Variants in SGCZ observed in about 807,000 individuals in gnomAD.
SGCZ encodes sarcoglycan zeta.
A neutral mutation model predicts 41.3 loss-of-function variants in SGCZ; 40 were observed. The observed-to-expected ratio is 0.97, with a 90% CI of 0.75 to 1.26. The LOEUF (loss-of-function observed/expected upper bound fraction) is 1.26. Ranked by LOEUF, SGCZ falls within the 50% of genes most tolerant of loss-of-function variation. The pLI is 0.00. For missense variants in SGCZ, 552 were observed against 369.8 expected (o/e 1.49, Z -4.04); for synonymous variants, 206 against 137.5 (o/e 1.50, Z -3.49).
intron 4 of SGCZ, among the ~76,000 whole-genome samples, chr8:14,175,027 A>T (rs1020930): frequency 1 from 152,210 of 152,272 alleles, 76,074 homozygotes; most frequent in Non-Finnish European, 1. Context: ...CCAAATAAGA[A>T]CCTATACCAA....
At chr8:14,676,023 T>TGAGAAAACTACTGAGACCAGGG (rs1180796044) in intron 1 of SGCZ, among the ~76,000 whole-genome samples, 4 of 152,146 alleles carry the variant, frequency 2.6e-5, no homozygotes, top group Non-Finnish European at 5.9e-5. Context: ...TGCACGTATT[T>TGAGAAAACTACTGAGACCAGGG]GAGAAAACTA....
At chr8:14,404,850 AG>A (rs1305556133) in intron 2 of SGCZ, among the ~76,000 whole-genome samples, 7 of 152,172 alleles carry the variant, frequency 4.6e-5, no homozygotes, top group Non-Finnish European at 1.0e-4. Context: ...TCTGGCCAAT[AG>A]GAGGCACTCA....
chr8:15,134,568 A>G (rs1808040636), intron 1 of SGCZ, among the ~76,000 whole-genome samples: 1 of 152,154 alleles, frequency 6.6e-6, no homozygotes, highest in Non-Finnish European at 1.5e-5. Flanking sequence ...AAGCGCAGAA[A>G]TAACTGATCA....
intron 1 of SGCZ, among the ~76,000 whole-genome samples, chr8:14,956,716 A>G (rs1211728985): frequency 1.3e-5 from 2 of 152,168 alleles, no homozygotes; most frequent in African/African-American, 4.8e-5. Context: ...AACTAAATTC[A>G]CATTTCCTTG....
At chr8:14,445,415 C>T (rs898906696) in intron 2 of SGCZ, among the ~76,000 whole-genome samples, 2 of 152,154 alleles carry the variant, frequency 1.3e-5, no homozygotes, top group African/African-American at 4.8e-5. Context: ...AGGGAAGAGA[C>T]AGCTTGACTT....
chr8:14,927,104 T>G (rs1262989574), intron 1 of SGCZ, among the ~76,000 whole-genome samples: 1 of 12,508 alleles, frequency 8.0e-5, no homozygotes, highest in Admixed American at 1.1e-3. Context: ...TCCTGATTCT[T>G]TTTTTTTTTT....
At chr8:14,341,677 A>G (rs1054588681) in intron 2 of SGCZ, among the ~76,000 whole-genome samples, 3 of 152,184 alleles carry the variant, frequency 2.0e-5, no homozygotes, top group Non-Finnish European at 4.4e-5. Flanking sequence ...GAGGGACCCA[A>G]GAGGAAGTAA....
chr8:14,418,068 G>T (rs1799544402), intron 2 of SGCZ, among the ~76,000 whole-genome samples: 1 of 151,876 alleles, frequency 6.6e-6, no homozygotes, highest in Non-Finnish European at 1.5e-5. Flanking sequence ...TAGGCAGTTT[G>T]CTGGGTGTTG....
chr8:14,593,878 A>C (rs1225964709), intron 1 of SGCZ, among the ~76,000 whole-genome samples: 3 of 152,074 alleles, frequency 2.0e-5, no homozygotes, highest in African/African-American at 7.2e-5. Flanking sequence ...GAACTTTTTA[A>C]TATACAAATG....
intron 4 of SGCZ, among the ~76,000 whole-genome samples, chr8:14,231,251 CACAGAGAGAGAGAGAGACAGAG>C (rs1399426986): frequency 2.3e-4 from 32 of 141,862 alleles, no homozygotes; most frequent in African/African-American, 7.6e-4. Flanking sequence ...GAGAGAGAGA[CACAGAGAGAGAGAGAGACAGAG>C]ACAGAGAGAG....
chr8:15,187,932 T>C (rs1046786127), intron 1 of SGCZ, among the ~76,000 whole-genome samples: 1 of 152,004 alleles, frequency 6.6e-6, no homozygotes, highest in East Asian at 1.9e-4. Context: ...AGAAAACTTA[T>C]CTGTTGCTGT....
chr8:14,782,694 A>T (rs1800628067), intron 1 of SGCZ, among the ~76,000 whole-genome samples: 1 of 139,134 alleles, frequency 7.2e-6, no homozygotes, highest in Non-Finnish European at 1.7e-5. Context: ...AAAAAAAATT[A>T]TTAGCAGATG....
intron 7 of SGCZ, among the ~76,000 whole-genome samples, chr8:14,093,328 G>A (rs1046674077): frequency 2.0e-5 from 3 of 151,902 alleles, no homozygotes; most frequent in Non-Finnish European, 2.9e-5. Flanking sequence ...TTTAAGAAAC[G>A]CAAATCAAAT....
Position 14,640,045 on chromosome 8 carries a change from T to G in SGCZ, c.40-85119A>C, listed in dbSNP as rs539733049. On this transcript the variant is annotated intron_variant, in intron 1 of 7. Coordinates refer to ENST00000382080, the MANE Select transcript of SGCZ (RefSeq NM_139167.4). Reference sequence around the variant, plus strand: ...GTATTTATGCATTAGCTTTAAGTTTTTCTTAATAAAAGTCTTCTATTACAA... The same window carrying G: ...GTATTTATGCATTAGCTTTAAGTTTGTCTTAATAAAAGTCTTCTATTACAA... Among the ~76,000 whole-genome samples the G allele has an allele frequency of 2.0e-5, 3 of 151,868 alleles. No homozygotes were observed. In the East Asian group the frequency reaches 5.8e-4, roughly 29 times the overall value.
At chr8:14,148,958 C>T (rs1035622602) in intron 5 of SGCZ, among the ~76,000 whole-genome samples, 4 of 151,946 alleles carry the variant, frequency 2.6e-5, no homozygotes, top group African/African-American at 9.7e-5. Flanking sequence ...TCAATAGATG[C>T]TAAAAAATAA....
chr8:14,346,030 ACCC>A (rs1452296403), intron 2 of SGCZ, among the ~76,000 whole-genome samples: 3 of 152,108 alleles, frequency 2.0e-5, no homozygotes, highest in Non-Finnish European at 4.4e-5. Context: ...TATTTGTCAA[ACCC>A]CCTAGAATAT....
chr8:14,249,614 A>T (rs1221795617), intron 3 of SGCZ, among the ~76,000 whole-genome samples: 2 of 152,156 alleles, frequency 1.3e-5, no homozygotes, highest in Admixed American at 6.6e-5. Context: ...GTTATACCTT[A>T]GCTATATCTG....
At chr8:15,097,746 A>G (rs547943344) in intron 1 of SGCZ, among the ~76,000 whole-genome samples, 1,340 of 89,962 alleles carry the variant, frequency 0.015, 23 homozygotes, top group Non-Finnish European at 0.025. Flanking sequence ...ATATATATAT[A>G]TATACACGTA....
At chr8:15,125,359 C>G (rs932082942) in intron 1 of SGCZ, among the ~76,000 whole-genome samples, 6 of 152,100 alleles carry the variant, frequency 3.9e-5, no homozygotes, top group African/African-American at 1.4e-4. Flanking sequence ...CGCTGCAGTT[C>G]CAGACAGATA....
Sources: gnomAD v4.1 joint callset for allele counts (sites outside exome capture counted in the v4.1 genomes callset) on GRCh38, gnomAD v4.1.1 for gene constraint, MANE v1.5 for transcripts, NCBI Gene and HGNC (gene_info 2026-07-23, HGNC 2026-07-21) for gene names.